Variants in ABLIM1 observed in about 807,000 individuals in gnomAD.
ABLIM1 encodes the protein actin-binding LIM protein 1.
A neutral mutation model predicts 107.0 loss-of-function variants in ABLIM1; 40 were observed. That is an observed-to-expected ratio of 0.37 (90% CI 0.29 to 0.49). The LOEUF (loss-of-function observed/expected upper bound fraction) is 0.49, where lower values mean the gene tolerates loss of function less well. Among genes scored for constraint, ABLIM1 ranks in the 20% least tolerant of loss-of-function variants. The pLI, the probability that ABLIM1 is intolerant of heterozygous loss-of-function variation, is 0.97. For synonymous variants in ABLIM1, 357 were observed against 357.3 expected, an observed-to-expected ratio of 1.00 and a Z score of 0.01; for missense variants, 857 against 1,008.5, an observed-to-expected ratio of 0.85 and a Z score of 2.04.
At position 114,431,918 on chromosome 10, in the gene ABLIM1, T is replaced by A. The variant is rs544487021; in HGVS notation, c.*4342A>T. On this transcript the variant is annotated 3_prime_UTR_variant, in exon 23 of 23. Transcript: ENST00000533213. The stretch of plus-strand genomic sequence containing the variant: ...CCAAATAAAAACATAACAATCCATA[T>A]GCAAAGCATATCTGCCACCACCTCC... The A allele has an allele frequency of 6.6e-6, 1 of 152,272 alleles. No homozygotes were observed. The highest frequency in any genetic ancestry group is 1.9e-4 in the East Asian group (1 of 5,184). 9.4% of individuals were successfully genotyped at this position (152,272 alleles called of 1,614,324 possible). A position where few individuals can be genotyped will look rare whatever the true frequency, so the allele number is the denominator to read the frequency against.
At chr10:114,649,146 CCAG>C (rs1185383926) in intron 1 of ABLIM1, among the ~76,000 whole-genome samples, 1 of 151,962 alleles carries the variant, frequency 6.6e-6, no homozygotes, top group Non-Finnish European at 1.5e-5. Flanking sequence ...ACCTATAACC[CCAG>C]TGCTTTGGGA....
chr10:114,655,839 T>C (rs12571587), intron 1 of ABLIM1, among the ~76,000 whole-genome samples: 69,882 of 151,982 alleles, frequency 0.46, 16,392 homozygotes, highest in East Asian at 0.64. Flanking sequence ...AAGGAGCTGT[T>C]ACCATCAGCA....
At chr10:114,437,649 A>AT (rs2059612713) in intron 22 of ABLIM1, among the ~76,000 whole-genome samples, 195 bp downstream of exon 22, 1 of 152,150 alleles carries the variant, frequency 6.6e-6, no homozygotes, top group Non-Finnish European at 1.5e-5. Context: ...ATTACCAGGC[A>AT]TTTTTATGCT....
chr10:114,759,769 A>G (rs2082704975), intron 1 of ABLIM1, among the ~76,000 whole-genome samples: 1 of 152,214 alleles, frequency 6.6e-6, no homozygotes, highest in Non-Finnish European at 1.5e-5. Flanking sequence ...CACCGACACC[A>G]TAAGGCATGC....
intron 1 of ABLIM1, among the ~76,000 whole-genome samples, chr10:114,740,571 C>G (rs2082266181): frequency 6.6e-6 from 1 of 151,980 alleles, no homozygotes; most frequent in Non-Finnish European, 1.5e-5. Context: ...GAAGTGGCTG[C>G]AGCCTAAAAT....
At chr10:114,760,960 A>T (rs1299541168) in intron 1 of ABLIM1, among the ~76,000 whole-genome samples, 1 of 152,254 alleles carries the variant, frequency 6.6e-6, no homozygotes, top group Non-Finnish European at 1.5e-5. Flanking sequence ...TTTCAAAGAT[A>T]GTTTCTCCTT....
chr10:114,744,371 C>G (rs944709247), intron 1 of ABLIM1, among the ~76,000 whole-genome samples: 3 of 152,164 alleles, frequency 2.0e-5, no homozygotes, highest in African/African-American at 2.4e-5. Flanking sequence ...CTTTAATTTC[C>G]AATCCACCGC....
intron 22 of ABLIM1, among the ~76,000 whole-genome samples, chr10:114,437,369 A>G (rs7907612): frequency 2.1e-5 from 3 of 144,308 alleles, no homozygotes; most frequent in African/African-American, 5.2e-5. Flanking sequence ...CCCAAGCTGG[A>G]GTACAGTGGT....
At chr10:114,706,741 CTTG>C (rs1334716007) in intron 1 of ABLIM1, among the ~76,000 whole-genome samples, 4 of 152,152 alleles carry the variant, frequency 2.6e-5, no homozygotes, top group African/African-American at 9.7e-5. Flanking sequence ...AAGCTGAGAA[CTTG>C]TTTTGTTGTT....
chr10:114,454,162 C>T (rs182669231), intron 12 of ABLIM1, among the ~76,000 whole-genome samples: 33 of 152,258 alleles, frequency 2.2e-4, no homozygotes, highest in African/African-American at 7.7e-4. Flanking sequence ...ATGATTCAAT[C>T]ATTGAAATAT....
intron 14 of ABLIM1, among the ~76,000 whole-genome samples, chr10:114,451,086 A>G (rs534027482): frequency 1.3e-5 from 2 of 152,334 alleles, no homozygotes; most frequent in Non-Finnish European, 1.5e-5. Flanking sequence ...ATGACGTCAC[A>G]GAGCCATTTA....
At chr10:114,597,296 ATGGAGAGAGAAGGGTCTT>A (rs1390172322) in intron 2 of ABLIM1, among the ~76,000 whole-genome samples, 2 of 152,174 alleles carry the variant, frequency 1.3e-5, no homozygotes, top group Non-Finnish European at 2.9e-5. Context: ...TCTGATTAGG[ATGGAGAGAGAAGGGTCTT>A]TGGAGAGAGA....
At chr10:114,606,317 C>A (rs2076406077) in intron 1 of ABLIM1, among the ~76,000 whole-genome samples, 1 of 151,950 alleles carries the variant, frequency 6.6e-6, no homozygotes, top group South Asian at 2.1e-4. Context: ...CTCACTGCAA[C>A]CTCTGCCTCC....
chr10:114,448,672 G>A (rs1238423057), intron 14 of ABLIM1, among the ~76,000 whole-genome samples: 1 of 151,150 alleles, frequency 6.6e-6, no homozygotes, highest in South Asian at 2.1e-4. Context: ...GGAGTGCAGT[G>A]GTACAATCTT....
intron 2 of ABLIM1, among the ~76,000 whole-genome samples, chr10:114,579,257 A>G (rs1020094369): frequency 1.3e-5 from 2 of 152,206 alleles, no homozygotes; most frequent in Non-Finnish European, 1.5e-5. Context: ...TAGTAGAAAA[A>G]TAGTTGAATA....
chr10:114,444,104 T>C lies in ABLIM1; in HGVS notation c.1858A>G (p.Lys620Glu). The C allele has an allele frequency of 6.2e-7, 1 of 1,611,104 alleles. No homozygotes were observed. Among genetic ancestry groups the C allele is most frequent in the Non-Finnish European group, 8.5e-7 (1 of 1,179,154 alleles). ...LNSGLGQLILKEEMEKESRER... is the reference protein window; with the variant it reads ...LNSGLGQLILEEEMEKESRER... The stretch of plus-strand genomic sequence containing the variant: ...CGGCTCTCTTTCTCCATCTCTTCTT[T>C]CAAGATCAACTGTCCCAGGCCTGAG... Residue 620 changes from lysine to glutamate, a missense_variant, in exon 17 of 23, where the codon AAA becomes GAA. By Grantham distance (56) the Lys-to-Glu change is moderately conservative (BLOSUM62 1). Coordinates refer to ENST00000533213, the MANE Select transcript of ABLIM1 (RefSeq NM_002313.7).
chr10:114,661,647 A>G (rs61869065), upstream of ABLIM1, among the ~76,000 whole-genome samples: 2,685 of 152,312 alleles, frequency 0.018, 31 homozygotes, highest in Middle Eastern at 0.058. Context: ...GTTCTATGAT[A>G]TGATATCACA....
chr10:114,650,722 A>G (rs2079202135), intron 1 of ABLIM1, among the ~76,000 whole-genome samples: 2 of 152,120 alleles, frequency 1.3e-5, no homozygotes, highest in African/African-American at 2.4e-5. Flanking sequence ...TGGGTAAATC[A>G]TATCTATTTT....
intron 6 of ABLIM1, among the ~76,000 whole-genome samples, chr10:114,500,853 T>C (rs2060336505): frequency 6.6e-6 from 1 of 151,340 alleles, no homozygotes; most frequent in African/African-American, 2.4e-5. Flanking sequence ...GGTAGCAAAG[T>C]AACTGGTGCC....
Sources: gnomAD v4.1 joint callset for allele counts (sites outside exome capture counted in the v4.1 genomes callset) on GRCh38, gnomAD v4.1.1 for gene constraint, MANE v1.5 for transcripts, NCBI Gene and HGNC (gene_info 2026-07-23, HGNC 2026-07-21) for gene names.